NAALADL2: variants seen among roughly 807,000 people sequenced by gnomAD.
NAALADL2 encodes the protein inactive N-acetylated-alpha-linked acidic dipeptidase-like protein 2.
In NAALADL2, 76 loss-of-function variants were observed where a neutral mutation model predicts 87.2. The ratio of observed to expected loss-of-function variants is 0.87; its 90% CI spans 0.72 to 1.05. The LOEUF is 1.05. Among genes scored for constraint, NAALADL2 ranks in the 50% least tolerant of loss-of-function variants. The probability of loss-of-function intolerance (pLI) is 0.00; values close to 1 mark genes in which losing one functional copy is unlikely to be tolerated. For synonymous variants in NAALADL2, 354 were observed against 331.0 expected (o/e 1.07, Z -0.75); for missense variants, 1,089 against 945.8 (o/e 1.15, Z -1.99).
chr3:174,888,696 G>A (rs1234267430), intron 1 of NAALADL2, among the ~76,000 whole-genome samples: 1 of 152,074 alleles, frequency 6.6e-6, no homozygotes, highest in Non-Finnish European at 1.5e-5. Context: ...TGTATTCTGT[G>A]CTTATGTTCT....
chr3:174,989,381 G>A (rs993083843), intron 1 of NAALADL2, among the ~76,000 whole-genome samples: 9 of 152,140 alleles, frequency 5.9e-5, no homozygotes, highest in Non-Finnish European at 1.2e-4. Flanking sequence ...ACATTTAATG[G>A]TAGAAAGAAA....
intron 1 of NAALADL2, among the ~76,000 whole-genome samples, chr3:174,997,255 C>T (rs1747625385): frequency 6.6e-6 from 1 of 152,016 alleles, no homozygotes; most frequent in Non-Finnish European, 1.5e-5. Flanking sequence ...AATCTCCATA[C>T]TGTTTTCCAT....
intron 11 of NAALADL2, among the ~76,000 whole-genome samples, chr3:175,668,362 A>T (rs1417204933): frequency 1.3e-5 from 2 of 152,136 alleles, no homozygotes; most frequent in Admixed American, 1.3e-4. Flanking sequence ...TTATTATGAT[A>T]ACCTTAAGAA....
At chr3:174,537,934 C>G (rs1721877503) in intron 1 of NAALADL2, among the ~76,000 whole-genome samples, 1 of 152,072 alleles carries the variant, frequency 6.6e-6, no homozygotes. Flanking sequence ...AATATATTTC[C>G]TAGAATATAA....
At chr3:175,072,032 A>G (rs1393959662) in intron 1 of NAALADL2, among the ~76,000 whole-genome samples, 1 of 152,008 alleles carries the variant, frequency 6.6e-6, no homozygotes, top group Non-Finnish European at 1.5e-5. Flanking sequence ...AACTTGTCGG[A>G]ATATATGTAC....
chr3:174,522,913 G>C (rs1253466394), intron 1 of NAALADL2, among the ~76,000 whole-genome samples: 2 of 127,436 alleles, frequency 1.6e-5, no homozygotes, highest in Admixed American at 1.9e-4. Context: ...CAGCTTGGGC[G>C]AAAGAGCGAG....
At chr3:174,617,439 C>A (rs1205282410) in intron 2 of NAALADL2, among the ~76,000 whole-genome samples, 1 of 151,432 alleles carries the variant, frequency 6.6e-6, no homozygotes, top group Non-Finnish European at 1.5e-5. Flanking sequence ...CATTTACAGA[C>A]AAATTGTACA....
chr3:174,896,117 G>C (rs1055681607), intron 1 of NAALADL2, among the ~76,000 whole-genome samples: 14 of 151,952 alleles, frequency 9.2e-5, no homozygotes, highest in African/African-American at 2.4e-5. Context: ...ACTAAAACCG[G>C]AACAAGCCAA....
intron 3 of NAALADL2, among the ~76,000 whole-genome samples, chr3:174,814,462 A>G (rs1015398362): frequency 1.3e-5 from 2 of 152,256 alleles, no homozygotes; most frequent in South Asian, 4.1e-4. Flanking sequence ...CTTGCGTGTG[A>G]TCTTTATATA....
At chr3:175,058,162 C>A (rs189304911) in intron 1 of NAALADL2, among the ~76,000 whole-genome samples, 3 of 152,116 alleles carry the variant, frequency 2.0e-5, no homozygotes, top group African/African-American at 7.2e-5. Flanking sequence ...GTTGTGTAAA[C>A]AATTTTCTAA....
intron 2 of NAALADL2, among the ~76,000 whole-genome samples, chr3:174,720,216 A>C (rs1228211995): frequency 6.6e-6 from 1 of 152,210 alleles, no homozygotes; most frequent in African/African-American, 2.4e-5. Context: ...GGAAACTTTT[A>C]TTAAAGTAAC....
chr3:174,798,356 A>T (rs887053126), intron 3 of NAALADL2, among the ~76,000 whole-genome samples: 2 of 152,138 alleles, frequency 1.3e-5, no homozygotes, highest in Non-Finnish European at 2.9e-5. Flanking sequence ...TGAAATTTGG[A>T]ACTGTCAGTC....
intron 1 of NAALADL2, among the ~76,000 whole-genome samples, chr3:174,925,831 C>A (rs1735937515): frequency 6.6e-6 from 1 of 151,880 alleles, no homozygotes; most frequent in South Asian, 2.1e-4. Flanking sequence ...ATTCTCTTTG[C>A]CAGCAACAGA....
intron 8 of NAALADL2, among the ~76,000 whole-genome samples, chr3:175,467,608 C>G (rs1268587552): frequency 6.6e-6 from 1 of 152,162 alleles, no homozygotes; most frequent in Non-Finnish European, 1.5e-5. Flanking sequence ...TATATTTTCT[C>G]TCTTCAATAT....
intron 9 of NAALADL2, among the ~76,000 whole-genome samples, chr3:175,476,183 G>A (rs1032969649): frequency 6.6e-6 from 1 of 152,142 alleles, no homozygotes; most frequent in Non-Finnish European, 1.5e-5. Context: ...GTTCGTTGGA[G>A]TTTTTGAGCT....
chr3:175,081,520 T>C (rs1014278116), intron 1 of NAALADL2, among the ~76,000 whole-genome samples: 2 of 152,176 alleles, frequency 1.3e-5, no homozygotes, highest in Admixed American at 6.5e-5. Flanking sequence ...GAATGACATA[T>C]GAAGACCCCC....
At chr3:175,323,950 G>A (rs1760313999) in intron 4 of NAALADL2, among the ~76,000 whole-genome samples, 1 of 149,866 alleles carries the variant, frequency 6.7e-6, no homozygotes, top group South Asian at 2.1e-4. Context: ...CCCGGGAGGT[G>A]GAGGTTGCAG....
intron 4 of NAALADL2, among the ~76,000 whole-genome samples, chr3:175,291,763 G>A (rs1259531886): frequency 1.3e-5 from 2 of 152,082 alleles, no homozygotes; most frequent in African/African-American, 4.8e-5. Context: ...GTGAAGAGAG[G>A]AGAGTTTCCA....
intron 9 of NAALADL2, among the ~76,000 whole-genome samples, chr3:175,504,565 T>TTCTCTCTCTCTCTCTCTC (rs200985901): frequency 6.7e-5 from 9 of 134,422 alleles, no homozygotes; most frequent in Non-Finnish European, 9.7e-5. Flanking sequence ...CTCTCTCTGT[T>TTCTCTCTCTCTCTCTCTC]TCTCTCTCTC....
Sources: allele counts gnomAD v4.1 joint callset (sites outside exome capture counted in the v4.1 genomes callset), GRCh38; gene constraint gnomAD v4.1.1; transcripts MANE v1.5; gene names NCBI Gene and HGNC (gene_info 2026-07-23, HGNC 2026-07-21).